Variants in RNF123 observed in about 807,000 individuals in gnomAD.
The protein encoded by RNF123 is E3 ubiquitin-protein ligase RNF123.
Under a neutral mutation model 168.5 loss-of-function variants are expected in RNF123, and 86 were observed. The ratio of observed to expected loss-of-function variants is 0.51; its 90% CI spans 0.43 to 0.61. The LOEUF is 0.61. RNF123 is among the 20% of genes least tolerant of loss of function. RNF123 has a pLI of 0.00. For missense variants in RNF123, 1,419 were observed against 1,729.7 expected (o/e 0.82, Z 3.19); for synonymous variants, 666 against 689.1 (o/e 0.97, Z 0.52).
At chr3:49,697,107 A>G in intron 3 of RNF123, 36 bp from the exon 4 acceptor site, 1 of 1,558,650 alleles carries the variant, frequency 6.4e-7, no homozygotes, top group African/African-American at 1.4e-5. Context: ...GATTTCAAGG[A>G]CTTGTGGACC....
intron 9 of RNF123, 38 bp from the exon 10 acceptor site, chr3:49,698,939 ACAT>A: frequency 6.2e-7 from 1 of 1,610,550 alleles, no homozygotes. Flanking sequence ...GTGGGCAGCC[ACAT>A]GCTTAGCACT....
Position 49,720,629 on chromosome 3 carries a change from C to T in RNF123, c.3619C>T (p.Arg1207Trp), listed in dbSNP as rs762516169. 1.2e-5 allele frequency: 19 copies of T among 1,602,062 alleles called. 1 individual carries two copies. Among genetic ancestry groups the T allele is most frequent in the East Asian group, 2.2e-5 (1 of 44,690 alleles). ...APGTALPAPD[R>W]KRFSLQSYAD... ...TGGCACTGCTCTGCCAGCCCCTGAC[C>T]GGAAGCGCTTCTCCCTGCAGAGCTG... Residue 1207 changes from arginine to tryptophan, a missense_variant, in exon 36 of 39, where the codon CGG becomes TGG. Physicochemically the swap from Arg to Trp is moderately radical, Grantham distance 101 (BLOSUM62 -3). Transcript: ENST00000327697.
chr3:49,716,993 A>T (rs1559688928), intron 35 of RNF123: 1 of 155,964 alleles, frequency 6.4e-6, no homozygotes, highest in Non-Finnish European at 1.4e-5. Context: ...GATGCATATG[A>T]AGCCAGGGTA....
chr3:49,699,201 C>A lies in RNF123; in HGVS notation c.764+96C>A. On this transcript the variant is annotated intron_variant, in intron 10 of 38. Coordinates refer to ENST00000327697, the MANE Select transcript of RNF123 (RefSeq NM_022064.5). This position sits in a 1 kb window ranked among gnomAD's most constrained non-coding sequence, Gnocchi z 4.8. ...CCCCAGGGGTGCCATGGGCTGGTGG[C>A]AGGCCCTGGCTGCTGCAGAGTTAGT... 2 of 1,486,954 alleles carry A rather than the reference C, an allele frequency of 1.3e-6. No homozygotes were observed. Among genetic ancestry groups the A allele is most frequent in the South Asian group, 1.3e-5 (1 of 77,636 alleles). 92.1% of individuals were successfully genotyped at this position (1,486,954 alleles called of 1,614,324 possible).
intron 26 of RNF123, among the ~76,000 whole-genome samples, chr3:49,707,257 G>A (rs1223042064): frequency 1.3e-5 from 2 of 150,302 alleles, no homozygotes; most frequent in Non-Finnish European, 2.9e-5. Flanking sequence ...CACCATCTGT[G>A]CCTGCCTCTG....
At chr3:49,706,133 G>T (rs932993791) in intron 25 of RNF123, 68 bp downstream of exon 25, 2 of 1,416,438 alleles carry the variant, frequency 1.4e-6, no homozygotes, top group Non-Finnish European at 2.0e-6. Flanking sequence ...GATGAAGTCT[G>T]GTTCTGGGGG....
chr3:49,703,095 G>T (rs1333163603), intron 20 of RNF123, among the ~76,000 whole-genome samples: 1 of 152,110 alleles, frequency 6.6e-6, no homozygotes, highest in Non-Finnish European at 1.5e-5. Context: ...GTCCCCAAGG[G>T]TCAGTGGGAG....
Position 49,713,579 on chromosome 3 carries a change from T to G in RNF123, c.2741T>G (p.Val914Gly). The change falls in exon 28 of 39, where the codon GTG (valine) becomes GGG (glycine). Residue 914 changes from valine (V) to glycine (G), a missense_variant. Physicochemically the swap from Val to Gly is moderately radical, Grantham distance 109 (BLOSUM62 -3). Transcript: ENST00000327697. The stretch of plus-strand genomic sequence containing the variant: ...AAACACTTTGCCGACGCACGCATTG[T>G]GGGCACTGGTGAGGGGCCCCTACAG... ...LAKHFADARIVGTDIRDSLMQ... is the reference protein window; with the variant it reads ...LAKHFADARIGGTDIRDSLMQ... The G allele has an allele frequency of 6.2e-7, 1 of 1,612,096 alleles. No homozygotes were observed. The highest frequency in any genetic ancestry group is 1.3e-5 in the African/African-American group (1 of 75,026).
At chr3:49,701,042 T>C (rs1166219476) in intron 15 of RNF123, among the ~76,000 whole-genome samples, 1 of 152,266 alleles carries the variant, frequency 6.6e-6, no homozygotes. Context: ...AGGAGGCAGC[T>C]CTTCCTGCTT....
chr3:49,697,750 C>A, intron 5 of RNF123, 135 bp from the exon 6 acceptor site: 1 of 1,083,698 alleles, frequency 9.2e-7, no homozygotes. Context: ...TCCCACCGTC[C>A]TCAGGCACAG....
chr3:49,719,625 C>T, intron 35 of RNF123: 1 of 639,230 alleles, frequency 1.6e-6, no homozygotes. Context: ...CTCCGGTTCC[C>T]AGGTTGTGAG....
At chr3:49,693,067 G>C (rs919332650) in intron 3 of RNF123, among the ~76,000 whole-genome samples, 1 of 84,762 alleles carries the variant, frequency 1.2e-5, no homozygotes, top group Admixed American at 1.4e-4. Context: ...TTTTTTTTTT[G>C]AGACGGAGTC....
intron 21 of RNF123, 126 bp downstream of exon 21, chr3:49,703,654 C>T (rs2054454918): frequency 1.4e-6 from 1 of 694,420 alleles, no homozygotes; most frequent in Non-Finnish European, 2.4e-6. Context: ...TTTCCACCCA[C>T]TCAGGCAGGG....
Position 49,691,247 on chromosome 3 carries a change from G to A in RNF123, c.82G>A (p.Gly28Ser), listed in dbSNP as rs1317284717. The change falls in exon 2 of 39, where the codon GGC becomes AGC. Residue 28 changes from glycine to serine, a missense_variant and splice_region_variant. Around this residue, in one of 5 missense-constraint regions of RNF123, gnomAD observed 318 missense variants for 446.6 expected, o/e 0.71. Transcript: ENST00000327697. ...TSDAEKSRVT[G>S]IVQEKLLNDY... Reference sequence around the variant, plus strand: ...AGATGCTGAGAAATCCAGGGTCACAGGTAAGAGCTGGCAGGGAAGGAAGGA... The same window carrying A: ...AGATGCTGAGAAATCCAGGGTCACAAGTAAGAGCTGGCAGGGAAGGAAGGA... 1.2e-6 allele frequency: 2 copies of A among 1,613,754 alleles called. No individual in the cohort carries two copies. Among genetic ancestry groups the A allele is most frequent in the Admixed American group, 1.7e-5 (1 of 59,996 alleles).
At position 49,706,777 on chromosome 3, in the gene RNF123, C is replaced by T. The variant is rs112875354; in HGVS notation, c.2389-14C>T. ...GCCATGTCTTGATTGTCCTCCTTTC[C>T]CCTTGGGTGGCAGAGGAAGGACATC... On this transcript the variant is annotated splice_polypyrimidine_tract_variant and intron_variant, in intron 25 of 38. Transcript: ENST00000327697. 6.2e-7 allele frequency: 1 copy of T among 1,610,840 alleles called. No individual in the cohort carries two copies. Among genetic ancestry groups the T allele is most frequent in the African/African-American group, 1.3e-5 (1 of 74,870 alleles).
At chr3:49,702,543 T>G (rs2054425303) in intron 19 of RNF123, 90 bp from the exon 20 acceptor site, 2 of 1,610,084 alleles carry the variant, frequency 1.2e-6, no homozygotes, top group Non-Finnish European at 1.7e-6. Flanking sequence ...CCTCCCTGCT[T>G]AACCCTCGAC....
At chr3:49,713,221 G>A (rs1367723996) in intron 27 of RNF123, 1 of 590,152 alleles carries the variant, frequency 1.7e-6, no homozygotes, top group African/African-American at 1.9e-5. Context: ...AGACAGAGCT[G>A]TGAGTGCCCA....
At position 49,713,894 on chromosome 3, in the gene RNF123, C is replaced by T. The variant is rs748731998; in HGVS notation, c.2838-16C>T. On this transcript the variant is annotated splice_polypyrimidine_tract_variant and intron_variant, in intron 29 of 38. Transcript: ENST00000327697. ...TGCCCAGCCTCACCCCGTCTCTCCC[C>T]TCCTTGCCCTCACAGGCGTATCGCC... is the stretch of plus-strand genomic sequence containing the variant. The T allele has an allele frequency of 5.0e-6, 8 of 1,613,472 alleles. No homozygotes were observed. The highest frequency in any genetic ancestry group is 2.2e-5 in the South Asian group (2 of 91,062).
intron 35 of RNF123, 189 bp from the exon 36 acceptor site, chr3:49,720,317 GAAAAA>G: frequency 2.9e-6 from 1 of 345,006 alleles, no homozygotes; most frequent in Non-Finnish European, 4.8e-6. Context: ...CTCGTCTCAA[GAAAAA>G]AAAAAAAAAA....
Sources: allele counts gnomAD v4.1 joint callset (sites outside exome capture counted in the v4.1 genomes callset), GRCh38; gene constraint gnomAD v4.1.1; regional missense constraint gnomAD v4.1.1; non-coding constraint Gnocchi (gnomAD v3.1); transcripts MANE v1.5; gene names NCBI Gene and HGNC (gene_info 2026-07-23, HGNC 2026-07-21).